Variants in KNTC1 observed in about 807,000 individuals in gnomAD.
KNTC1 encodes the protein kinetochore associated 1, also known as kinetochore-associated protein 1.
In KNTC1, 253 loss-of-function variants were observed where a neutral mutation model predicts 314.4. The ratio of observed to expected loss-of-function variants is 0.80; its 90% confidence interval spans 0.73 to 0.89. The LOEUF (loss-of-function observed/expected upper bound fraction) is 0.89. Among genes scored for constraint, KNTC1 ranks in the 40% least tolerant of loss-of-function variants. The probability of loss-of-function intolerance (pLI) is 0.00; values close to 1 mark genes in which losing one functional copy is unlikely to be tolerated. For synonymous variants in KNTC1, 901 were observed against 901.4 expected (o/e 1.00, Z 0.01); for missense variants, 2,475 against 2,572.9 (o/e 0.96, Z 0.82).
chr12:122,567,322 G>A (rs1018784682), intron 20 of KNTC1, among the ~76,000 whole-genome samples: 5 of 151,374 alleles, frequency 3.3e-5, no homozygotes, highest in East Asian at 2.0e-4. Flanking sequence ...CACCCACCTC[G>A]GCCTCCCAAA....
chr12:122,545,898 C>T (rs763996492), intron 8 of KNTC1, among the ~76,000 whole-genome samples: 1 of 150,964 alleles, frequency 6.6e-6, no homozygotes, highest in Admixed American at 6.6e-5. Context: ...CTGCAGTGAG[C>T]TGTGATCACT....
intron 20 of KNTC1, among the ~76,000 whole-genome samples, chr12:122,565,461 G>A (rs1197065038): frequency 6.6e-6 from 1 of 150,670 alleles, no homozygotes; most frequent in Non-Finnish European, 1.5e-5. Flanking sequence ...TTCTTTGTGG[G>A]TATTTCAAAT....
chr12:122,569,864 T>A (rs754423774), intron 22 of KNTC1, 40 bp downstream of exon 22: 1 of 1,567,952 alleles, frequency 6.4e-7, no homozygotes, highest in Non-Finnish European at 8.7e-7. Flanking sequence ...ATGACTTTAT[T>A]TCATTTTTTA....
At chr12:122,553,156 C>T (rs1963314095) in intron 16 of KNTC1, among the ~76,000 whole-genome samples, 1 of 136,192 alleles carries the variant, frequency 7.3e-6, no homozygotes, top group African/African-American at 2.9e-5. Context: ...GACTCTGTCT[C>T]AGGGAAAAAA....
At chr12:122,558,111 G>T (rs950633370) in intron 18 of KNTC1, among the ~76,000 whole-genome samples, 4 of 151,724 alleles carry the variant, frequency 2.6e-5, no homozygotes, top group African/African-American at 9.7e-5. Context: ...TTAGTTGGGC[G>T]TGGTGGCACG....
At chr12:122,585,410 C>T (rs372570240) in intron 36 of KNTC1, among the ~76,000 whole-genome samples, 1 of 152,090 alleles carries the variant, frequency 6.6e-6, no homozygotes, top group South Asian at 2.1e-4. Context: ...TACCCTAGAC[C>T]GGAAAACAAC....
At chr12:122,567,642 C>T (rs1014886426) in intron 20 of KNTC1, among the ~76,000 whole-genome samples, 4 of 151,684 alleles carry the variant, frequency 2.6e-5, no homozygotes, top group African/African-American at 7.3e-5. Context: ...GGTTTGAGAC[C>T]ATCTAGCCAA....
In KNTC1 at chr12:122,551,357, T is replaced by G. The variant is rs1254416752; in HGVS notation, c.1125T>G (p.Asp375Glu). ...IYLLEGVCKN[D>E]PKLSEDSVSV... ...TTTTAGAAGGAGTTTGCAAAAATGA[T>G]CCAAAGTAGGTCATGTTTTACCGTG... Residue 375 changes from aspartate to glutamate, a missense_variant, in exon 14 of 64, where the codon GAT becomes GAG. Asp to Glu is a conservative substitution (Grantham distance 45). Coordinates refer to ENST00000333479, the MANE Select transcript of KNTC1 (RefSeq NM_014708.6). The G allele has an allele frequency of 2.5e-6, 4 of 1,595,392 alleles. No individual in the cohort carries two copies. Among genetic ancestry groups the G allele is most frequent in the Non-Finnish European group, 2.6e-6 (3 of 1,166,778 alleles).
chr12:122,554,418 G>A (rs1226469951), intron 16 of KNTC1, among the ~76,000 whole-genome samples: 2 of 151,902 alleles, frequency 1.3e-5, no homozygotes, highest in African/African-American at 4.8e-5. Context: ...ATGTATACAA[G>A]TTAAGAGACA....
At chr12:122,544,408 TAACTC>T in intron 8 of KNTC1, 139 bp downstream of exon 8, 1 of 534,120 alleles carries the variant, frequency 1.9e-6, no homozygotes, top group South Asian at 2.5e-5. Context: ...TAATTAAAAA[TAACTC>T]AATAAATAAA....
At chr12:122,528,077 T>A (rs1960903843) in intron 1 of KNTC1, among the ~76,000 whole-genome samples, 2 of 151,600 alleles carry the variant, frequency 1.3e-5, no homozygotes, top group South Asian at 4.1e-4. Context: ...TTGTGTTCTG[T>A]TCAAGCTATA....
At chr12:122,571,931 C>G (rs1343146879) in intron 24 of KNTC1, among the ~76,000 whole-genome samples, 2 of 151,996 alleles carry the variant, frequency 1.3e-5, no homozygotes, top group Non-Finnish European at 2.9e-5. Context: ...GCTCGGCCTC[C>G]CAAAGTGCTG....
intron 48 of KNTC1, among the ~76,000 whole-genome samples, chr12:122,604,340 T>C (rs970892983): frequency 6.6e-6 from 1 of 151,928 alleles, no homozygotes; most frequent in East Asian, 1.9e-4. Flanking sequence ...AGAGACAGGG[T>C]TCTTCCGTGT....
At chr12:122,562,506 A>G (rs1964044249) in intron 19 of KNTC1, 132 bp from the exon 20 acceptor site, 2 of 612,100 alleles carry the variant, frequency 3.3e-6, no homozygotes, top group Non-Finnish European at 6.0e-6. Flanking sequence ...AGGCAGTCCT[A>G]TGGGAATTGA....
chr12:122,587,726 TA>T lies in KNTC1; in HGVS notation c.3747del (p.Leu1249PhefsTer4). The T allele has an allele frequency of 6.2e-7, 1 of 1,613,118 alleles. No homozygotes were observed. Among genetic ancestry groups the T allele is most frequent in the South Asian group, 1.1e-5 (1 of 90,902 alleles). On this transcript the variant is annotated frameshift_variant, in exon 39 of 64. Coordinates refer to ENST00000333479, the MANE Select transcript of KNTC1 (RefSeq NM_014708.6). LOFTEE classifies it high-confidence loss of function. Reference protein sequence around the residue: ...CSLNEGDGLVLPVINSISALL... With the variant: ...CSLNEGDGLVXPVINSISALL... ...CACTCTGCAGGAGATGGCCTTGTTT[TA>T]CCTGTTATAAATTCCATCTCTGCCC... is the stretch of plus-strand genomic sequence containing the variant.
chr12:122,612,835 C>G (rs746658380), intron 53 of KNTC1: 7 of 299,944 alleles, frequency 2.3e-5, no homozygotes, highest in Admixed American at 9.9e-5. Context: ...TTTGCACAGT[C>G]AGTGCAAATA....
intron 52 of KNTC1, among the ~76,000 whole-genome samples, chr12:122,609,694 A>G (rs1156428557): frequency 3.3e-5 from 5 of 151,972 alleles, no homozygotes; most frequent in Admixed American, 2.0e-4. Context: ...CTCAAGCAGA[A>G]GAAAACTCTT....
chr12:122,604,926 A>G lies in KNTC1; in HGVS notation c.5225A>G (p.Gln1742Arg), dbSNP rs751702711. 7 of 1,610,488 alleles carry G rather than the reference A, an allele frequency of 4.3e-6. No homozygotes were observed. Among genetic ancestry groups the G allele is most frequent in the Non-Finnish European group, 5.1e-6 (6 of 1,178,374 alleles). ...AEALLKKLHI[Q>R]YRRSGTEAVL... ...GCTTTGTTGAAGAAGCTTCATATCC[A>G]GTACCGGCGATCGGGCACAGAAGCT... The change falls in exon 50 of 64, where the codon CAG becomes CGG. Residue 1742 changes from glutamine (Q) to arginine (R), a missense_variant. Transcript: ENST00000333479.
chr12:122,624,261 T>TTTTTC (rs141832553), intron 62 of KNTC1, among the ~76,000 whole-genome samples: 46,892 of 150,866 alleles, frequency 0.31, 8,591 homozygotes, highest in Admixed American at 0.39. Context: ...TCAATGCCTC[T>TTTTTC]TTTTCTTTTC....
Sources: allele counts gnomAD v4.1 joint callset (sites outside exome capture counted in the v4.1 genomes callset), GRCh38; gene constraint gnomAD v4.1.1; transcripts MANE v1.5; gene names NCBI Gene and HGNC (gene_info 2026-07-23, HGNC 2026-07-21).